Variants in SAE1 observed in about 807,000 individuals in gnomAD.
SAE1 encodes SUMO1 activating enzyme subunit 1.
In SAE1, 11 loss-of-function variants were observed where a neutral mutation model predicts 40.6. The observed-to-expected ratio is 0.27, with a 90% CI of 0.17 to 0.45. The LOEUF is 0.45. SAE1 is among the 20% of genes least tolerant of loss of function. The pLI is 1.00. For missense variants in SAE1, 373 were observed against 427.3 expected (o/e 0.87, Z 1.12); for synonymous variants, 155 against 154.3 (o/e 1.00, Z -0.03).
At chr19:47,179,020 C>T (rs555822939) in intron 6 of SAE1, among the ~76,000 whole-genome samples, 7 of 151,440 alleles carry the variant, frequency 4.6e-5, no homozygotes, top group African/African-American at 1.7e-4. Context: ...GGTGAAACCT[C>T]GTCTCTACTA....
chr19:47,136,557 G>A (rs548120181), intron 1 of SAE1, among the ~76,000 whole-genome samples: 2 of 139,618 alleles, frequency 1.4e-5, no homozygotes, highest in African/African-American at 5.4e-5. Flanking sequence ...GTATGGTGGC[G>A]TGATCTCAGC....
intron 1 of SAE1, among the ~76,000 whole-genome samples, chr19:47,132,226 G>T (rs1296757929): frequency 6.6e-6 from 1 of 151,314 alleles, no homozygotes; most frequent in Non-Finnish European, 1.5e-5. Context: ...GCCTCCCAAA[G>T]TGGTTGGATT....
chr19:47,162,038 C>T (rs897509490), intron 5 of SAE1, among the ~76,000 whole-genome samples: 1 of 152,194 alleles, frequency 6.6e-6, no homozygotes, highest in Non-Finnish European at 1.5e-5. Context: ...TCACTGGTCA[C>T]ATTTCAAGTG....
At chr19:47,153,171 G>A in intron 4 of SAE1, 131 bp downstream of exon 4, 1 of 757,440 alleles carries the variant, frequency 1.3e-6, no homozygotes, top group Admixed American at 3.3e-5. Context: ...TTGAACTCCT[G>A]GGCTCAAGTG....
intron 7 of SAE1, among the ~76,000 whole-genome samples, chr19:47,201,089 T>C (rs1268933096): frequency 5.9e-5 from 9 of 151,836 alleles, no homozygotes; most frequent in East Asian, 1.9e-4. Context: ...TCACCCAAGC[T>C]AGAGTGCAAT....
chr19:47,164,899 G>C (rs1036459572), intron 5 of SAE1, among the ~76,000 whole-genome samples: 12 of 151,588 alleles, frequency 7.9e-5, no homozygotes, highest in Admixed American at 2.6e-4. Context: ...TGATCCGCCT[G>C]CCTCAGCCTC....
intron 6 of SAE1, among the ~76,000 whole-genome samples, chr19:47,190,706 G>A (rs2123296406): frequency 6.6e-6 from 1 of 152,306 alleles, no homozygotes; most frequent in African/African-American, 2.4e-5. Flanking sequence ...AGCGGGGTCA[G>A]CTGCTGCCGC....
intron 8 of SAE1, among the ~76,000 whole-genome samples, chr19:47,208,231 A>G (rs533252538): frequency 3.3e-5 from 5 of 152,172 alleles, no homozygotes; most frequent in African/African-American, 9.6e-5. Flanking sequence ...AGTGTTAGTC[A>G]TTGTTTTAGT....
intron 5 of SAE1, among the ~76,000 whole-genome samples, chr19:47,165,825 G>A (rs2058388830): frequency 6.6e-6 from 1 of 152,212 alleles, no homozygotes; most frequent in Non-Finnish European, 1.5e-5. Context: ...TGTTATCTGA[G>A]AGGAGTAGTA....
At chr19:47,156,478 CAA>C (rs901510484) in intron 5 of SAE1, among the ~76,000 whole-genome samples, 5 of 145,140 alleles carry the variant, frequency 3.4e-5, no homozygotes, top group Admixed American at 6.9e-5. Flanking sequence ...ACTCTGTCTC[CAA>C]AAAAAAAAGT....
At chr19:47,156,200 G>A (rs1260780221) in intron 5 of SAE1, among the ~76,000 whole-genome samples, 1 of 151,746 alleles carries the variant, frequency 6.6e-6, no homozygotes, top group African/African-American at 2.4e-5. Flanking sequence ...GAGCCTGGGA[G>A]GTGGAGGCTG....
At chr19:47,167,614 A>G (rs2058402533) in intron 5 of SAE1, among the ~76,000 whole-genome samples, 1 of 152,110 alleles carries the variant, frequency 6.6e-6, no homozygotes. Context: ...TAACTGATAG[A>G]TCTTGGTTCA....
At chr19:47,201,591 A>C (rs1176757334) in intron 7 of SAE1, among the ~76,000 whole-genome samples, 2 of 150,678 alleles carry the variant, frequency 1.3e-5, no homozygotes, top group Non-Finnish European at 3.0e-5. Flanking sequence ...AGACTGAACT[A>C]TTCCTCCAAT....
At position 47,182,499 on chromosome 19, in the gene SAE1, GCGCACGCA is replaced by G. The variant is rs1300606747; in HGVS notation, c.733+12580_733+12587del. Reference sequence around the variant, plus strand: ...TGTGTGTGTGTGTGTGTGTGTGTGCGCGCACGCACGCGCGCGCGCACACCACTGCCTTA... The same window carrying G: ...TGTGTGTGTGTGTGTGTGTGTGTGCGCGCGCGCGCGCACACCACTGCCTTA... On this transcript the variant is annotated intron_variant, in intron 6 of 8. Coordinates refer to ENST00000270225, the MANE Select transcript of SAE1 (RefSeq NM_005500.3). 5.5e-4 allele frequency among the ~76,000 whole-genome samples: 81 copies of G among 148,274 alleles called. 1 individual carries two copies. The highest frequency in any genetic ancestry group is 3.7e-3 in the Admixed American group (56 of 15,036).
intron 6 of SAE1, among the ~76,000 whole-genome samples, chr19:47,176,097 G>A (rs866832307): frequency 4.5e-4 from 68 of 152,152 alleles, no homozygotes; most frequent in African/African-American, 1.6e-3. Flanking sequence ...ATAATCATTT[G>A]TGTTTATGTA....
chr19:47,202,859 A>G (rs1352851340), intron 7 of SAE1, among the ~76,000 whole-genome samples: 15 of 152,196 alleles, frequency 9.9e-5, no homozygotes, highest in African/African-American at 3.1e-4. Context: ...GCAGTAAGCC[A>G]AGATCGCGCC....
At chr19:47,194,537 C>T (rs2058600891) in intron 6 of SAE1, among the ~76,000 whole-genome samples, 2 of 152,242 alleles carry the variant, frequency 1.3e-5, no homozygotes. Flanking sequence ...AGGGCTTGGG[C>T]CTAGAAGCTG....
At chr19:47,159,459 G>C (rs309182) in intron 5 of SAE1, among the ~76,000 whole-genome samples, 111,110 of 152,030 alleles carry the variant, frequency 0.73, 40,725 homozygotes, top group Admixed American at 0.79. Context: ...AGTCCAGTGT[G>C]TAGCACAGTC....
At chr19:47,172,902 C>T (rs997697231) in intron 6 of SAE1, among the ~76,000 whole-genome samples, 2 of 152,178 alleles carry the variant, frequency 1.3e-5, no homozygotes, top group African/African-American at 4.8e-5. Flanking sequence ...GTGCTATTAA[C>T]ACCACCAGCT....
Sources: allele counts gnomAD v4.1 joint callset (sites outside exome capture counted in the v4.1 genomes callset), GRCh38; gene constraint gnomAD v4.1.1; transcripts MANE v1.5; gene names NCBI Gene and HGNC (gene_info 2026-07-23, HGNC 2026-07-21).